The following GBF1 variants were observed in gnomAD, a reference collection of about 807,000 sequenced individuals.
GBF1 encodes golgi brefeldin A resistant guanine nucleotide exchange factor 1, also known as Golgi-specific brefeldin A-resistance guanine nucleotide exchange factor 1.
In GBF1, 114 loss-of-function variants were observed where a neutral mutation model predicts 210.5. The ratio of observed to expected loss-of-function variants is 0.54; its 90% CI spans 0.47 to 0.63. The LOEUF (loss-of-function observed/expected upper bound fraction) is 0.63, where lower values mean the gene tolerates loss of function less well. Ranked by LOEUF, GBF1 falls within the 30% of genes least tolerant of loss-of-function variation. GBF1 has a pLI of 0.00. For synonymous variants in GBF1, 850 were observed against 889.2 expected (o/e 0.96, Z 0.78); for missense variants, 1,851 against 2,357.7 (o/e 0.79, Z 4.45).
chr10:102,367,310 G>A, intron 20 of GBF1, 100 bp downstream of exon 20: 2 of 1,367,308 alleles, frequency 1.5e-6, no homozygotes, highest in South Asian at 2.5e-5. Context: ...ATGGGGTTCT[G>A]TCCAAGGGAA....
chr10:102,291,152 T>G (rs2076399386), intron 3 of GBF1, among the ~76,000 whole-genome samples: 1 of 152,052 alleles, frequency 6.6e-6, no homozygotes, highest in Non-Finnish European at 1.5e-5. Flanking sequence ...TTCTTTCTAT[T>G]ACTATGAGCT....
At chr10:102,242,000 GTC>G (rs1430225146), upstream of GBF1, among the ~76,000 whole-genome samples, 2 of 152,190 alleles carry the variant, frequency 1.3e-5, no homozygotes, top group African/African-American at 4.8e-5. This position sits in a 1 kb window ranked among gnomAD's most constrained non-coding sequence, Gnocchi z 6.7. Context: ...CCTCCCTTTT[GTC>G]TCTGTTCCAA....
At chr10:102,358,466 T>C in intron 9 of GBF1, 40 bp from the exon 10 acceptor site, 1 of 1,440,816 alleles carries the variant, frequency 6.9e-7, no homozygotes, top group East Asian at 2.3e-5. Flanking sequence ...GCCCACAGCC[T>C]CTTTCTTCTC....
chr10:102,238,585 C>T, the GBF1 span, among the ~76,000 whole-genome samples: 4 of 152,224 alleles, frequency 2.6e-5, no homozygotes, highest in African/African-American at 9.6e-5. Context: ...CTCAGCCCCA[C>T]TTTTCCAAAC....
the GBF1 span, chr10:102,230,800 G>A: frequency 1.3e-6 from 2 of 1,552,502 alleles, no homozygotes; most frequent in South Asian, 2.4e-5. Context: ...CCCTGGCACG[G>A]TGCCCGGGGC....
At chr10:102,252,131 G>A (rs948311278) in intron 1 of GBF1, among the ~76,000 whole-genome samples, 3 of 151,982 alleles carry the variant, frequency 2.0e-5, no homozygotes, top group African/African-American at 7.3e-5. Flanking sequence ...CCTGAGGCCG[G>A]GAGTTTGAGA....
At chr10:102,279,408 C>G (rs531516628) in intron 3 of GBF1, among the ~76,000 whole-genome samples, 1 of 152,256 alleles carries the variant, frequency 6.6e-6, no homozygotes. Context: ...GTGGGATTTG[C>G]TATGAATTCA....
intron 3 of GBF1, among the ~76,000 whole-genome samples, chr10:102,322,493 C>A (rs998353133): frequency 7.2e-5 from 11 of 152,036 alleles, no homozygotes; most frequent in Admixed American, 1.3e-4. Flanking sequence ...GATTTCTCCC[C>A]ACTATAAATT....
At chr10:102,261,539 G>GA (rs936171871) in intron 3 of GBF1, among the ~76,000 whole-genome samples, 5 of 151,138 alleles carry the variant, frequency 3.3e-5, no homozygotes, top group South Asian at 2.1e-4. Flanking sequence ...AAGATCTGGA[G>GA]AAAAAATCTA....
At position 102,363,222 on chromosome 10, in the gene GBF1, A is replaced by G. The variant is rs770376155; in HGVS notation, c.1877-34A>G. 1.4e-5 allele frequency: 23 copies of G among 1,587,738 alleles called. No homozygotes were observed. The Admixed American group carries it at 2.2e-4, about 15-fold the overall frequency. On this transcript the variant is annotated intron_variant, in intron 15 of 39. Transcript: ENST00000369983. The surrounding 1 kb of genome is among the most constrained non-coding windows in gnomAD (Gnocchi z 4.2). ...GCAGCTCTGCTTGGCTTCATACCCTATAAGTCTTCACGTATCTTCTTCTCT... is the reference window on the plus strand; with the variant it reads ...GCAGCTCTGCTTGGCTTCATACCCTGTAAGTCTTCACGTATCTTCTTCTCT...
intron 7 of GBF1, 120 bp from the exon 8 acceptor site, chr10:102,353,480 G>T: frequency 1.3e-6 from 1 of 754,228 alleles, no homozygotes. Flanking sequence ...CTTCTCTTTT[G>T]TAGCCTTTTC....
intron 8 of GBF1, among the ~76,000 whole-genome samples, chr10:102,357,687 C>G (rs2059373649): frequency 6.6e-6 from 1 of 152,080 alleles, no homozygotes; most frequent in Admixed American, 6.5e-5. Context: ...TGCCCTTACA[C>G]TTTCTGCAAG....
Position 102,353,581 on chromosome 10 carries a change from T to C in GBF1, c.585-19T>C, listed in dbSNP as rs373673962. On this transcript the variant is annotated intron_variant, in intron 7 of 39. Transcript: ENST00000369983. Reference sequence around the variant, plus strand: ...TGTCATTATCCCTAATGACAGTTGATGGATTTTCTATCTTATAGGTTACCT... The same window carrying C: ...TGTCATTATCCCTAATGACAGTTGACGGATTTTCTATCTTATAGGTTACCT... The C allele has an allele frequency of 2.0e-5, 32 of 1,562,664 alleles. No homozygotes were observed. The highest frequency in any genetic ancestry group is 2.6e-5 in the Non-Finnish European group (29 of 1,133,146).
At chr10:102,248,725 T>C (rs1179675758) in intron 1 of GBF1, among the ~76,000 whole-genome samples, 1 of 152,094 alleles carries the variant, frequency 6.6e-6, no homozygotes, top group Non-Finnish European at 1.5e-5. Context: ...AGCCTTGACC[T>C]CTGGGCTCAA....
intron 3 of GBF1, among the ~76,000 whole-genome samples, chr10:102,322,964 A>G (rs1352547658): frequency 2.6e-5 from 4 of 152,100 alleles, no homozygotes; most frequent in East Asian, 3.9e-4. Context: ...AGCCATTTCA[A>G]TGATCTATTA....
At chr10:102,231,912 A>G in the GBF1 span, 2 of 1,554,492 alleles carry the variant, frequency 1.3e-6, no homozygotes, top group Non-Finnish European at 8.8e-7. Context: ...TCCCACCCGC[A>G]CTGGGGATGA....
intron 3 of GBF1, among the ~76,000 whole-genome samples, chr10:102,300,278 A>T (rs999699868): frequency 2.0e-5 from 3 of 152,206 alleles, no homozygotes; most frequent in Admixed American, 2.0e-4. Context: ...AGTGGTTCTT[A>T]TACTTGGAAG....
chr10:102,330,697 T>A (rs997214029), intron 3 of GBF1, among the ~76,000 whole-genome samples: 6 of 151,200 alleles, frequency 4.0e-5, no homozygotes, highest in Non-Finnish European at 7.4e-5. Context: ...AAAAAAAAAA[T>A]AAATAAAAAT....
intron 1 of GBF1, among the ~76,000 whole-genome samples, chr10:102,256,647 G>A (rs1384671763): frequency 1.3e-5 from 2 of 151,582 alleles, no homozygotes; most frequent in Non-Finnish European, 2.9e-5. Context: ...AGCCACTCGA[G>A]TAGCTGGGAT....
Sources: gnomAD v4.1 joint callset for allele counts (sites outside exome capture counted in the v4.1 genomes callset) on GRCh38, gnomAD v4.1.1 for gene constraint, Gnocchi (gnomAD v3.1) non-coding constraint, MANE v1.5 for transcripts, NCBI Gene and HGNC (gene_info 2026-07-23, HGNC 2026-07-21) for gene names.